MED13L: variants seen among roughly 807,000 people sequenced by gnomAD.
The protein encoded by MED13L is mediator complex subunit 13L.
MED13L carries 7 observed loss-of-function variants against 220.9 expected under a neutral mutation model. The observed-to-expected ratio is 0.03, with a 90% CI of 0.02 to 0.06. The LOEUF (loss-of-function observed/expected upper bound fraction) is 0.06. Ranked by LOEUF, MED13L falls within the 10% of genes least tolerant of loss-of-function variation. The pLI is 1.00. For missense variants in MED13L, 1,965 were observed against 2,760.5 expected (o/e 0.71, Z 6.46); for synonymous variants, 1,011 against 1,015.2 (o/e 1.00, Z 0.08).
chr12:116,037,749 CG>C (rs1419964026), intron 4 of MED13L, among the ~76,000 whole-genome samples: 2 of 152,106 alleles, frequency 1.3e-5, no homozygotes, highest in Non-Finnish European at 2.9e-5. Flanking sequence ...TACTGGCCTA[CG>C]GGACTTAATT....
At chr12:116,208,198 C>T (rs1219225290) in intron 2 of MED13L, among the ~76,000 whole-genome samples, 1 of 152,114 alleles carries the variant, frequency 6.6e-6, no homozygotes, top group African/African-American at 2.4e-5. Context: ...AGTTTGAGAC[C>T]AGCCTGGCTA....
At chr12:116,010,859 C>A (rs544936531) in intron 9 of MED13L, among the ~76,000 whole-genome samples, 3 of 151,040 alleles carry the variant, frequency 2.0e-5, no homozygotes, top group African/African-American at 7.3e-5. Context: ...GGGAAGCATA[C>A]ATGGCAAAAA....
intron 4 of MED13L, among the ~76,000 whole-genome samples, chr12:116,067,394 ACT>A (rs1159430690): frequency 6.6e-6 from 1 of 152,072 alleles, no homozygotes; most frequent in Non-Finnish European, 1.5e-5. Context: ...AGACCTAGAG[ACT>A]CTAATATTCT....
rs146737603 is a variant in MED13L at position 115,965,424 on chromosome 12, A to G, written c.6387+658T>C. 6.7e-3 allele frequency among the ~76,000 whole-genome samples: 1,015 copies of G among 151,304 alleles called. 26 individuals are homozygous for G. The highest frequency in any genetic ancestry group is 0.054 in the Admixed American group (820 of 15,250). On this transcript the variant is annotated intron_variant, in intron 29 of 30. Coordinates refer to ENST00000281928, the MANE Select transcript of MED13L (RefSeq NM_015335.5). ...CCCTGAAAGGGAAGTGTGTAGGGCTATATCATTCAGCAATCCCACCAACAC... is the reference window on the plus strand; with the variant it reads ...CCCTGAAAGGGAAGTGTGTAGGGCTGTATCATTCAGCAATCCCACCAACAC...
chr12:116,188,131 A>T (rs1044940865), intron 2 of MED13L, among the ~76,000 whole-genome samples: 13 of 118,562 alleles, frequency 1.1e-4, no homozygotes, highest in African/African-American at 2.8e-4. Context: ...ACAAATTATT[A>T]AAAAAAAAAA....
chr12:116,247,688 C>T (rs1593206732), intron 1 of MED13L, among the ~76,000 whole-genome samples: 1 of 146,886 alleles, frequency 6.8e-6, no homozygotes, highest in East Asian at 2.0e-4. Flanking sequence ...AAGATGCTAA[C>T]GTATATATAT....
At chr12:116,050,439 T>C (rs1443122677) in intron 4 of MED13L, among the ~76,000 whole-genome samples, 4 of 152,100 alleles carry the variant, frequency 2.6e-5, no homozygotes, top group Admixed American at 2.0e-4. Context: ...AAACTAAAAA[T>C]GAACACCACT....
chr12:116,107,746 G>A (rs756015247), intron 3 of MED13L, among the ~76,000 whole-genome samples: 1 of 152,118 alleles, frequency 6.6e-6, no homozygotes, highest in Non-Finnish European at 1.5e-5. Flanking sequence ...AAATGGCTAG[G>A]GAGAGACACA....
At chr12:116,153,369 A>G (rs1304942233) in intron 2 of MED13L, among the ~76,000 whole-genome samples, 4 of 152,064 alleles carry the variant, frequency 2.6e-5, no homozygotes, top group Non-Finnish European at 5.9e-5. Context: ...CCAGAGTGCC[A>G]CCTCCATTAG....
At chr12:116,007,657 A>AC (rs1879139943) in intron 10 of MED13L, 21 bp from the exon 11 acceptor site, 1 of 1,581,424 alleles carries the variant, frequency 6.3e-7, no homozygotes, top group East Asian at 2.2e-5. Context: ...AAAAAAAAAA[A>AC]AAAAAAAAGA....
chr12:116,081,954 A>AT (rs1482734970), intron 4 of MED13L, among the ~76,000 whole-genome samples: 1 of 152,148 alleles, frequency 6.6e-6, no homozygotes, highest in South Asian at 2.1e-4. Flanking sequence ...CTATGAATAC[A>AT]TTTTTTTTTT....
At chr12:116,006,039 G>A (rs746717662) in intron 12 of MED13L, 46 bp from the exon 13 acceptor site, 119 of 1,611,240 alleles carry the variant, frequency 7.4e-5, no homozygotes, top group Non-Finnish European at 8.8e-5. Context: ...ACTCCACCAA[G>A]CGCAAAGGAG....
intron 3 of MED13L, among the ~76,000 whole-genome samples, chr12:116,110,938 A>G (rs1412355686): frequency 6.6e-6 from 1 of 152,248 alleles, no homozygotes; most frequent in Non-Finnish European, 1.5e-5. Context: ...AGACATGAAA[A>G]CTAAATACAA....
intron 2 of MED13L, among the ~76,000 whole-genome samples, chr12:116,198,808 T>C (rs747995898): frequency 1.1e-4 from 17 of 152,190 alleles, no homozygotes; most frequent in East Asian, 3.8e-4. Flanking sequence ...TGAATAATAA[T>C]AACACTGAAT....
intron 4 of MED13L, among the ~76,000 whole-genome samples, chr12:116,046,116 A>G (rs1165187329): frequency 6.6e-6 from 1 of 152,174 alleles, no homozygotes; most frequent in African/African-American, 2.4e-5. Flanking sequence ...TACCATGTCT[A>G]AGTCAAAATA....
chr12:116,003,786 C>T lies in MED13L; in HGVS notation c.2470-684G>A, dbSNP rs114484190. On this transcript the variant is annotated intron_variant, in intron 13 of 30. Coordinates refer to ENST00000281928, the MANE Select transcript of MED13L (RefSeq NM_015335.5). ...TATTTATACTTATACAATGTCACAA[C>T]ATTGAAATGTAAAATTAAAATTAAA... 9.0e-3 allele frequency among the ~76,000 whole-genome samples: 1,373 copies of T among 152,178 alleles called. 24 individuals carry two copies. The highest frequency in any genetic ancestry group is 0.032 in the African/African-American group (1,330 of 41,522).
rs63703461 is a variant in MED13L at position 116,038,744 on chromosome 12, CAAAAAAAAAA to C, written c.480-16153_480-16144del. 1.0e-3 allele frequency among the ~76,000 whole-genome samples: 78 copies of C among 75,258 alleles called. 1 individual carries two copies. The highest frequency in any genetic ancestry group is 9.8e-3 in the Middle Eastern group (1 of 102). The allele number at this position is 75,258 out of a possible 152,430, so 49.4% of individuals were successfully genotyped here. On this transcript the variant is annotated intron_variant, in intron 4 of 30. Transcript: ENST00000281928. ...GACTTTACCTATGCGGTCAAAAGGC[CAAAAAAAAAA>C]AAAAAAAAAAAAAAAAAGGAGAACC...
At chr12:116,255,143 T>C (rs949815623) in intron 1 of MED13L, among the ~76,000 whole-genome samples, 2 of 152,160 alleles carry the variant, frequency 1.3e-5, no homozygotes, top group Non-Finnish European at 2.9e-5. Flanking sequence ...AGACATACTA[T>C]AAAATTTCAG....
intron 4 of MED13L, among the ~76,000 whole-genome samples, chr12:116,078,119 G>A (rs1322515860): frequency 2.0e-5 from 3 of 147,380 alleles, no homozygotes; most frequent in Non-Finnish European, 4.5e-5. Context: ...TCCAGCCTGG[G>A]CGACAGAGTA....
Sources: gnomAD v4.1 joint callset for allele counts (sites outside exome capture counted in the v4.1 genomes callset) on GRCh38, gnomAD v4.1.1 for gene constraint, MANE v1.5 for transcripts, NCBI Gene and HGNC (gene_info 2026-07-23, HGNC 2026-07-21) for gene names.